Variants in DMRT1 observed in about 807,000 individuals in gnomAD.
DMRT1 encodes doublesex- and mab-3-related transcription factor 1.
Under a neutral mutation model 32.3 loss-of-function variants are expected in DMRT1, and 7 were observed. The observed-to-expected ratio is 0.22, with a 90% CI of 0.12 to 0.41. The LOEUF is 0.41. Among genes scored for constraint, DMRT1 ranks in the 10% least tolerant of loss-of-function variants. DMRT1 has a pLI of 1.00. For missense variants in DMRT1, 625 were observed against 500.5 expected, an observed-to-expected ratio of 1.25 and a Z score of -2.37; for synonymous variants, 278 against 206.1, an observed-to-expected ratio of 1.35 and a Z score of -2.99.
Position 847,016 on chromosome 9 carries a change from C to T in DMRT1, c.411C>T (p.Ile137=), listed in dbSNP as rs1470429647. ...AGGAATTGGGTATCAGCCACCCCATCCCACTGCCCAGTGCGGCCGAGCTGC... is the reference window on the plus strand; with the variant it reads ...AGGAATTGGGTATCAGCCACCCCATTCCACTGCCCAGTGCGGCCGAGCTGC... ...QEEELGISHP[I]PLPSAAELLV... The change falls in exon 2 of 5, where the codon ATC becomes ATT. Residue 137 remains isoleucine (I), a synonymous_variant. Coordinates refer to ENST00000382276, the MANE Select transcript of DMRT1 (RefSeq NM_021951.3). 6.2e-7 allele frequency: 1 copy of T among 1,614,060 alleles called. No homozygotes were observed. The highest frequency in any genetic ancestry group is 1.3e-5 in the African/African-American group (1 of 74,930).
Position 918,906 on chromosome 9 carries a change from G to A in DMRT1, c.967+1999G>A, listed in dbSNP as rs542049039. 4.6e-5 allele frequency among the ~76,000 whole-genome samples: 7 copies of A among 152,258 alleles called. No homozygotes were observed. The South Asian group carries it at 1.0e-3, about 23-fold the overall frequency. On this transcript the variant is annotated intron_variant, in intron 4 of 4. Transcript: ENST00000382276. ...AAGCAAGTGGGAAGGTAAAGGAAGC[G>A]TGTTTGGAGGTCAGTAAGGACACCT...
chr9:951,069 C>G (rs952018643), intron 4 of DMRT1, among the ~76,000 whole-genome samples: 1 of 152,068 alleles, frequency 6.6e-6, no homozygotes, highest in African/African-American at 2.4e-5. Context: ...AGTATTACAA[C>G]TAGTAATATT....
At chr9:896,845 A>G (rs955130335) in intron 3 of DMRT1, among the ~76,000 whole-genome samples, 5 of 152,058 alleles carry the variant, frequency 3.3e-5, no homozygotes, top group Non-Finnish European at 5.9e-5. Context: ...TTCTAAGCCC[A>G]CTTCAAGAAA....
intron 2 of DMRT1, among the ~76,000 whole-genome samples, chr9:858,864 AAAAAAAATAT>A (rs1168422863): frequency 0.019 from 543 of 29,014 alleles, 3 homozygotes; most frequent in South Asian, 0.053. Context: ...AAAAAAAAAA[AAAAAAAATAT>A]ATATATATAT....
At chr9:852,532 T>C (rs1220555243) in intron 2 of DMRT1, among the ~76,000 whole-genome samples, 1 of 152,298 alleles carries the variant, frequency 6.6e-6, no homozygotes, top group African/African-American at 2.4e-5. Context: ...TCCTATAGAA[T>C]GCTGTTTGAC....
At chr9:874,798 A>C (rs962702417) in intron 2 of DMRT1, among the ~76,000 whole-genome samples, 2 of 140,230 alleles carry the variant, frequency 1.4e-5, no homozygotes, top group Non-Finnish European at 3.0e-5. Context: ...ACAACAAGTT[A>C]ATCTTTTTTT....
intron 1 of DMRT1, among the ~76,000 whole-genome samples, chr9:844,745 G>C (rs1477006691): frequency 1.4e-5 from 2 of 141,168 alleles, no homozygotes; most frequent in African/African-American, 2.7e-5. Flanking sequence ...TTTGAGACAG[G>C]AGTCTCGCTC....
chr9:842,279 G>T, intron 1 of DMRT1, 87 bp downstream of exon 1: 1 of 1,474,616 alleles, frequency 6.8e-7, no homozygotes, highest in East Asian at 2.5e-5. Context: ...CGGTTGCCCA[G>T]GCTGCAGTGT....
intron 3 of DMRT1, among the ~76,000 whole-genome samples, chr9:895,656 C>T (rs1817326862): frequency 6.6e-6 from 1 of 152,118 alleles, no homozygotes; most frequent in Admixed American, 6.5e-5. Context: ...CATTAATCAC[C>T]TCACATAGTT....
intron 3 of DMRT1, among the ~76,000 whole-genome samples, chr9:905,111 T>C (rs1256799523): frequency 6.6e-6 from 1 of 152,080 alleles, no homozygotes; most frequent in Non-Finnish European, 1.5e-5. Context: ...CAGTGCATGG[T>C]GATAGATTGA....
At chr9:878,206 C>CCCG (rs1554749502) in intron 2 of DMRT1, among the ~76,000 whole-genome samples, 18 of 117,990 alleles carry the variant, frequency 1.5e-4, no homozygotes, top group African/African-American at 5.4e-4. Context: ...TGCTGCCCCC[C>CCCG]CCCCACCCAA....
intron 4 of DMRT1, among the ~76,000 whole-genome samples, chr9:957,934 C>T (rs1300470998): frequency 2.6e-5 from 4 of 152,206 alleles, no homozygotes; most frequent in Admixed American, 1.3e-4. Context: ...CACCTGAACC[C>T]GCAGGCGGAG....
At chr9:923,752 C>T (rs1448373525) in intron 4 of DMRT1, among the ~76,000 whole-genome samples, 4 of 152,180 alleles carry the variant, frequency 2.6e-5, no homozygotes, top group Non-Finnish European at 5.9e-5. Context: ...GATAGAAAAA[C>T]ATCAACCCTT....
At position 968,212 on chromosome 9, in the gene DMRT1, T is replaced by C; in HGVS notation, c.*73T>C. 6.4e-7 allele frequency: 1 copy of C among 1,567,556 alleles called. No individual in the cohort carries two copies. Among genetic ancestry groups the C allele is most frequent in the East Asian group, 2.3e-5 (1 of 44,112 alleles). On this transcript the variant is annotated 3_prime_UTR_variant, in exon 5 of 5. Coordinates refer to ENST00000382276, the MANE Select transcript of DMRT1 (RefSeq NM_021951.3). ...CCACTTTCCATGGGGTTTGTTAATA[T>C]TTTGCATTGACTCATACTATCTTAA... is the stretch of plus-strand genomic sequence containing the variant.
rs147640689 is a variant in DMRT1, at chr9:856,907, A to C, written c.538+9764A>C. Among the ~76,000 whole-genome samples, 575 of 152,352 alleles carry C rather than the reference A, an allele frequency of 3.8e-3. 4 individuals are homozygous for C. The highest frequency in any genetic ancestry group is 0.013 in the African/African-American group (548 of 41,586). On this transcript the variant is annotated intron_variant, in intron 2 of 4. Coordinates refer to ENST00000382276, the MANE Select transcript of DMRT1 (RefSeq NM_021951.3). Reference sequence around the variant, plus strand: ...ACTAAGTTTTTTTAAGTTACAAGGGAAGATGCCTTTATCCTAGCAAGCTAC... The same window carrying C: ...ACTAAGTTTTTTTAAGTTACAAGGGCAGATGCCTTTATCCTAGCAAGCTAC...
chr9:914,764 A>G (rs942602249), intron 3 of DMRT1, among the ~76,000 whole-genome samples: 1 of 152,266 alleles, frequency 6.6e-6, no homozygotes. Flanking sequence ...CTCCAGAAGA[A>G]GTAATCCACT....
chr9:878,529 A>G (rs1816604420), intron 2 of DMRT1, among the ~76,000 whole-genome samples: 2 of 152,068 alleles, frequency 1.3e-5, no homozygotes, highest in Non-Finnish European at 2.9e-5. Flanking sequence ...GAGTAATATC[A>G]CACCAAACGC....
chr9:865,693 C>T (rs748774636), intron 2 of DMRT1, among the ~76,000 whole-genome samples: 9 of 152,152 alleles, frequency 5.9e-5, no homozygotes, highest in Non-Finnish European at 1.2e-4. Flanking sequence ...ATCACATTTC[C>T]CTACACCCCC....
intron 2 of DMRT1, among the ~76,000 whole-genome samples, chr9:849,219 A>G (rs761421030): frequency 1.3e-5 from 2 of 152,146 alleles, no homozygotes; most frequent in African/African-American, 2.4e-5. Flanking sequence ...TCCAAAACCT[A>G]TGGATTTCCC....
Sources: gnomAD v4.1 joint callset for allele counts (sites outside exome capture counted in the v4.1 genomes callset) on GRCh38, gnomAD v4.1.1 for gene constraint, MANE v1.5 for transcripts, NCBI Gene and HGNC (gene_info 2026-07-23, HGNC 2026-07-21) for gene names.